RNGTT: variants seen among roughly 807,000 people sequenced by gnomAD.
RNGTT encodes the protein RNA guanylyltransferase and 5'-phosphatase.
Under a neutral mutation model 79.3 loss-of-function variants are expected in RNGTT, and 33 were observed. The observed-to-expected ratio is 0.42, with a 90% CI of 0.32 to 0.56. The LOEUF (loss-of-function observed/expected upper bound fraction) is 0.56, where lower values mean the gene tolerates loss of function less well. Ranked by LOEUF, RNGTT falls within the 20% of genes least tolerant of loss-of-function variation. RNGTT has a pLI of 0.17. For missense variants in RNGTT, 497 were observed against 739.1 expected, an observed-to-expected ratio of 0.67 and a Z score of 3.80; for synonymous variants, 222 against 235.9, an observed-to-expected ratio of 0.94 and a Z score of 0.54.
chr6:88,664,294 G>C (rs1408277253), intron 14 of RNGTT, among the ~76,000 whole-genome samples: 1 of 152,200 alleles, frequency 6.6e-6, no homozygotes, highest in Non-Finnish European at 1.5e-5. Flanking sequence ...GACTGTGTGA[G>C]GCCTATCGCA....
At chr6:88,815,884 A>C (rs1045980514) in intron 11 of RNGTT, among the ~76,000 whole-genome samples, 2 of 152,248 alleles carry the variant, frequency 1.3e-5, no homozygotes, top group Non-Finnish European at 2.9e-5. Context: ...AGCCTAATAA[A>C]GTAACAGGAA....
chr6:88,684,192 A>G (rs973251397), intron 13 of RNGTT, among the ~76,000 whole-genome samples: 2 of 152,164 alleles, frequency 1.3e-5, no homozygotes, highest in African/African-American at 4.8e-5. Flanking sequence ...ATACTACAAC[A>G]CACCTATGAG....
At chr6:88,733,813 T>C (rs1348135755) in intron 13 of RNGTT, among the ~76,000 whole-genome samples, 1 of 151,094 alleles carries the variant, frequency 6.6e-6, no homozygotes, top group East Asian at 1.9e-4. Flanking sequence ...ATTCAAAGTG[T>C]TGAAAGGAAA....
intron 12 of RNGTT, among the ~76,000 whole-genome samples, chr6:88,775,268 T>G (rs372204888): frequency 1.3e-5 from 2 of 152,208 alleles, no homozygotes; most frequent in African/African-American, 4.8e-5. Context: ...ATCTACTCTC[T>G]TGGCAAACTT....
At chr6:88,888,896 G>A (rs1011280365) in intron 8 of RNGTT, among the ~76,000 whole-genome samples, 3 of 152,126 alleles carry the variant, frequency 2.0e-5, no homozygotes, top group African/African-American at 7.2e-5. Context: ...AGGTGTGGTG[G>A]CACATGCCAT....
At chr6:88,901,466 G>GA (rs915422214) in intron 6 of RNGTT, among the ~76,000 whole-genome samples, 3 of 118,866 alleles carry the variant, frequency 2.5e-5, no homozygotes, top group African/African-American at 6.6e-5. Context: ...CAAAGTGCTA[G>GA]AAAAAAAATA....
chr6:88,702,918 G>A (rs1021001919), intron 13 of RNGTT, among the ~76,000 whole-genome samples: 1 of 151,920 alleles, frequency 6.6e-6, no homozygotes, highest in Non-Finnish European at 1.5e-5. Context: ...CTCAAAATTC[G>A]ACACATAAAC....
chr6:88,923,462 T>C, intron 4 of RNGTT, among the ~76,000 whole-genome samples: 1 of 152,198 alleles, frequency 6.6e-6, no homozygotes, highest in East Asian at 1.9e-4. Context: ...CACTCAAAAG[T>C]GTATGAATGC....
chr6:88,703,634 C>T (rs1463414148), intron 13 of RNGTT, among the ~76,000 whole-genome samples: 1 of 152,160 alleles, frequency 6.6e-6, no homozygotes, highest in African/African-American at 2.4e-5. Context: ...ACCTCAGCAT[C>T]ATACAATATA....
At chr6:88,840,706 C>T (rs767616764) in intron 11 of RNGTT, among the ~76,000 whole-genome samples, 3 of 151,992 alleles carry the variant, frequency 2.0e-5, no homozygotes, top group Admixed American at 6.6e-5. Flanking sequence ...GCAAGAATTG[C>T]TTTTAAAAAA....
At chr6:88,957,449 T>C (rs1785472783) in intron 1 of RNGTT, among the ~76,000 whole-genome samples, 1 of 152,216 alleles carries the variant, frequency 6.6e-6, no homozygotes, top group African/African-American at 2.4e-5. Flanking sequence ...ACTGATGATA[T>C]GATTGTATAC....
At chr6:88,734,759 T>C (rs892537020) in intron 13 of RNGTT, among the ~76,000 whole-genome samples, 1 of 152,132 alleles carries the variant, frequency 6.6e-6, no homozygotes, top group African/African-American at 2.4e-5. Context: ...AAAGTATACT[T>C]TGAGTACCTA....
intron 13 of RNGTT, among the ~76,000 whole-genome samples, chr6:88,728,910 G>A (rs376130920): frequency 3.9e-5 from 6 of 152,116 alleles, no homozygotes; most frequent in Admixed American, 1.3e-4. Flanking sequence ...TATTCCCTCC[G>A]CACGTTAAAC....
At chr6:88,869,962 T>C (rs982172055) in intron 8 of RNGTT, among the ~76,000 whole-genome samples, 3 of 152,148 alleles carry the variant, frequency 2.0e-5, no homozygotes, top group South Asian at 2.1e-4. Context: ...AGATAATTCA[T>C]AGGGAGACAA....
chr6:88,737,532 G>A (rs748681981), intron 13 of RNGTT, among the ~76,000 whole-genome samples: 3 of 152,120 alleles, frequency 2.0e-5, no homozygotes, highest in Non-Finnish European at 4.4e-5. Flanking sequence ...AAGCCCTAAC[G>A]CCCTTAGCTA....
At chr6:88,653,376 C>A (rs2756384) in intron 14 of RNGTT, among the ~76,000 whole-genome samples, 40,618 of 152,034 alleles carry the variant, frequency 0.27, 9,518 homozygotes, top group African/African-American at 0.63. Flanking sequence ...AAATATTTCC[C>A]ACAGTTTTCT....
At chr6:88,662,281 C>G (rs1430016506) in intron 14 of RNGTT, among the ~76,000 whole-genome samples, 1 of 152,220 alleles carries the variant, frequency 6.6e-6, no homozygotes, top group Non-Finnish European at 1.5e-5. Flanking sequence ...AGTTAAACAT[C>G]AACTCCTGAC....
At chr6:88,669,652 C>T (rs1053671867) in intron 14 of RNGTT, among the ~76,000 whole-genome samples, 8 of 152,174 alleles carry the variant, frequency 5.3e-5, no homozygotes, top group Non-Finnish European at 1.0e-4. Flanking sequence ...CAGGACTGGA[C>T]GGCTCCAGCT....
At chr6:88,723,264 A>T (rs1776767080) in intron 13 of RNGTT, among the ~76,000 whole-genome samples, 1 of 152,188 alleles carries the variant, frequency 6.6e-6, no homozygotes, top group African/African-American at 2.4e-5. Flanking sequence ...TTTGTGTCTT[A>T]TGTGGAGTTC....
Sources: gnomAD v4.1 joint callset for allele counts (sites outside exome capture counted in the v4.1 genomes callset) on GRCh38, gnomAD v4.1.1 for gene constraint, MANE v1.5 for transcripts, NCBI Gene and HGNC (gene_info 2026-07-23, HGNC 2026-07-21) for gene names.